The following CTNND2 variants were observed in gnomAD, a reference collection of about 807,000 sequenced individuals.
CTNND2 encodes the protein catenin delta 2, also known as catenin delta-2.
Under a neutral mutation model 144.4 loss-of-function variants are expected in CTNND2, and 22 were observed. The ratio of observed to expected loss-of-function variants is 0.15; its 90% CI spans 0.11 to 0.22. The LOEUF (loss-of-function observed/expected upper bound fraction) is 0.22. CTNND2 is among the 10% of genes least tolerant of loss of function. The pLI is 1.00. For missense variants in CTNND2, 1,353 were observed against 1,618.8 expected, an observed-to-expected ratio of 0.84 and a Z score of 2.82; for synonymous variants, 751 against 695.6, an observed-to-expected ratio of 1.08 and a Z score of -1.25.
At chr5:11,035,683 G>A (rs1192378265) in intron 16 of CTNND2, among the ~76,000 whole-genome samples, 3 of 152,164 alleles carry the variant, frequency 2.0e-5, no homozygotes, top group East Asian at 3.8e-4. Context: ...GTAAGATAAT[G>A]GAATGCATTT....
At chr5:11,748,487 A>G (rs746300358) in intron 1 of CTNND2, among the ~76,000 whole-genome samples, 9 of 152,110 alleles carry the variant, frequency 5.9e-5, no homozygotes, top group Non-Finnish European at 1.0e-4. Context: ...TTAAATGGAC[A>G]AATAATTAGA....
chr5:11,118,351 C>T (rs1325406165), intron 12 of CTNND2, among the ~76,000 whole-genome samples: 1 of 152,218 alleles, frequency 6.6e-6, no homozygotes, highest in Admixed American at 6.5e-5. Context: ...TGACTTACTA[C>T]AGACAACACA....
intron 1 of CTNND2, among the ~76,000 whole-genome samples, chr5:11,782,796 A>C (rs900006346): frequency 5.9e-5 from 9 of 152,146 alleles, no homozygotes; most frequent in African/African-American, 2.2e-4. Flanking sequence ...CTATATGTTG[A>C]TCTTTCTTTT....
chr5:11,845,130 C>T (rs188189154), intron 1 of CTNND2, among the ~76,000 whole-genome samples: 73 of 152,266 alleles, frequency 4.8e-4, no homozygotes, highest in Non-Finnish European at 7.9e-4. Context: ...TTTCTACCAT[C>T]TACTTTTAGG....
intron 13 of CTNND2, among the ~76,000 whole-genome samples, chr5:11,113,027 G>A (rs1485814190): frequency 6.6e-6 from 1 of 152,102 alleles, no homozygotes; most frequent in Non-Finnish European, 1.5e-5. Flanking sequence ...TGTAGTCCCA[G>A]CTACTCAGGA....
chr5:11,462,025 T>G (rs61758955), intron 3 of CTNND2, among the ~76,000 whole-genome samples: 5,944 of 151,844 alleles, frequency 0.039, 401 homozygotes, highest in African/African-American at 0.14. Context: ...GGGTAGGAGG[T>G]GATCAACACC....
chr5:11,761,505 G>T (rs1789260626), intron 1 of CTNND2, among the ~76,000 whole-genome samples: 1 of 152,104 alleles, frequency 6.6e-6, no homozygotes, highest in South Asian at 2.1e-4. Context: ...TTAATTTGTA[G>T]ATTTTATATT....
At chr5:11,274,639 G>A (rs1429855255) in intron 9 of CTNND2, among the ~76,000 whole-genome samples, 1 of 150,486 alleles carries the variant, frequency 6.6e-6, no homozygotes, top group Non-Finnish European at 1.5e-5. Flanking sequence ...TTTTCCTGGA[G>A]CAAGATTTAA....
At chr5:11,255,948 C>T (rs1361711051) in intron 9 of CTNND2, among the ~76,000 whole-genome samples, 1 of 152,166 alleles carries the variant, frequency 6.6e-6, no homozygotes, top group African/African-American at 2.4e-5. Flanking sequence ...AGGCAAACCC[C>T]AGCATTTTAC....
chr5:11,115,955 T>C (rs1753498780), intron 13 of CTNND2, among the ~76,000 whole-genome samples: 1 of 152,272 alleles, frequency 6.6e-6, no homozygotes. Flanking sequence ...CACTTTTATT[T>C]GTTCTTTATC....
chr5:11,318,235 C>A (rs1278866057), intron 9 of CTNND2, among the ~76,000 whole-genome samples: 1 of 152,164 alleles, frequency 6.6e-6, no homozygotes, highest in African/African-American at 2.4e-5. Context: ...CCAGGCTAGA[C>A]CCAAAGTCCC....
At chr5:11,190,687 C>T (rs1736147435) in intron 11 of CTNND2, among the ~76,000 whole-genome samples, 1 of 152,190 alleles carries the variant, frequency 6.6e-6, no homozygotes, top group African/African-American at 2.4e-5. Flanking sequence ...CACAGCCATA[C>T]ACATTTGTTG....
At chr5:11,300,596 C>A (rs1749486203) in intron 9 of CTNND2, among the ~76,000 whole-genome samples, 1 of 151,998 alleles carries the variant, frequency 6.6e-6, no homozygotes, top group East Asian at 1.9e-4. Flanking sequence ...ACAGGACACC[C>A]AGTTAAATTT....
At chr5:11,570,595 T>A (rs1348563945) in intron 2 of CTNND2, among the ~76,000 whole-genome samples, 1 of 152,146 alleles carries the variant, frequency 6.6e-6, no homozygotes, top group African/African-American at 2.4e-5. Context: ...TACTCTCCAA[T>A]GTTGCTGTTG....
chr5:11,802,808 T>C (rs1428351680), intron 1 of CTNND2, among the ~76,000 whole-genome samples: 1 of 152,194 alleles, frequency 6.6e-6, no homozygotes, highest in Non-Finnish European at 1.5e-5. Flanking sequence ...ATCAAATACA[T>C]ATTCATTCAA....
chr5:11,562,840 G>A (rs993069325), intron 3 of CTNND2, among the ~76,000 whole-genome samples: 52 of 152,362 alleles, frequency 3.4e-4, no homozygotes, highest in African/African-American at 1.2e-3. Context: ...CAGGTTTTAA[G>A]AAGGTATCAG....
intron 2 of CTNND2, among the ~76,000 whole-genome samples, chr5:11,661,022 A>G (rs1262498285): frequency 6.6e-6 from 1 of 152,174 alleles, no homozygotes; most frequent in Non-Finnish European, 1.5e-5. Context: ...ATATTTATCA[A>G]AAAACAATGA....
At chr5:11,540,547 T>A (rs1774631178) in intron 3 of CTNND2, among the ~76,000 whole-genome samples, 1 of 152,226 alleles carries the variant, frequency 6.6e-6, no homozygotes, top group Non-Finnish European at 1.5e-5. Flanking sequence ...GAATAAGTCT[T>A]GCTCTGTCGT....
At chr5:11,407,375 A>T (rs1761180101) in intron 5 of CTNND2, among the ~76,000 whole-genome samples, 1 of 152,184 alleles carries the variant, frequency 6.6e-6, no homozygotes, top group Non-Finnish European at 1.5e-5. Context: ...CACATGGTTT[A>T]CCAAGTGTTT....
Sources: allele counts gnomAD v4.1 joint callset (sites outside exome capture counted in the v4.1 genomes callset), GRCh38; gene constraint gnomAD v4.1.1; transcripts MANE v1.5; gene names NCBI Gene and HGNC (gene_info 2026-07-23, HGNC 2026-07-21).